CXADR: variants seen among roughly 807,000 people sequenced by gnomAD.
CXADR encodes the protein coxsackievirus and adenovirus receptor.
A neutral mutation model predicts 40.3 loss-of-function variants in CXADR; 20 were observed. That is an observed-to-expected ratio of 0.50 (90% confidence interval 0.35 to 0.72). The LOEUF (loss-of-function observed/expected upper bound fraction) is 0.72, where lower values mean the gene tolerates loss of function less well. Ranked by LOEUF, CXADR falls within the 30% of genes least tolerant of loss-of-function variation. The probability of loss-of-function intolerance (pLI) is 0.01; values close to 1 mark genes in which losing one functional copy is unlikely to be tolerated. For synonymous variants in CXADR, 150 were observed against 161.3 expected (o/e 0.93, Z 0.53); for missense variants, 332 against 449.1 (o/e 0.74, Z 2.36).
chr21:17,551,702 T>TG, intron 2 of CXADR, 47 bp from the exon 3 acceptor site: 1 of 1,531,810 alleles, frequency 6.5e-7, no homozygotes, highest in Admixed American at 2.0e-5. Context: ...ACAGTTTTTT[T>TG]TGTGTGTGTT....
chr21:17,600,672 C>A, the CXADR span, among the ~76,000 whole-genome samples: 1 of 151,420 alleles, frequency 6.6e-6, no homozygotes, highest in Admixed American at 6.6e-5. Flanking sequence ...AACAAAAAAA[C>A]AAGAACAAAA....
rs573255644 is a variant in CXADR at position 17,533,760 on chromosome 21, G to A, written c.44-13267G>A. The stretch of plus-strand genomic sequence containing the variant: ...ATTCCAGTTTATTTCCTGGGGGCCT[G>A]CTTTTTGATTTCTCATTGGGGATAG... On this transcript the variant is annotated intron_variant, in intron 1 of 6. Transcript: ENST00000284878. Among the ~76,000 whole-genome samples the A allele has an allele frequency of 4.6e-5, 7 of 152,050 alleles. 1 individual carries two copies. The South Asian group carries it at 1.5e-3, about 32-fold the overall frequency.
chr21:17,579,506 G>A (rs1029509401), intron 7 of CXADR, among the ~76,000 whole-genome samples: 3 of 152,064 alleles, frequency 2.0e-5, no homozygotes, highest in Admixed American at 1.3e-4. Flanking sequence ...GGATGGTCTC[G>A]ATCTCCTGAC....
intron 7 of CXADR, among the ~76,000 whole-genome samples, chr21:17,577,524 A>G (rs2061330063): frequency 1.3e-5 from 2 of 150,872 alleles, no homozygotes; most frequent in Non-Finnish European, 2.9e-5. Flanking sequence ...CATTCAGAGC[A>G]CAGGTATTAA....
At chr21:17,580,900 A>G (rs1370812121) in intron 7 of CXADR, among the ~76,000 whole-genome samples, 1 of 152,038 alleles carries the variant, frequency 6.6e-6, no homozygotes, top group Non-Finnish European at 1.5e-5. Context: ...ATGGGCACGC[A>G]CCAGTACACC....
intron 3 of CXADR, among the ~76,000 whole-genome samples, chr21:17,552,696 C>A (rs910076817): frequency 1.3e-5 from 2 of 152,138 alleles, no homozygotes; most frequent in African/African-American, 4.8e-5. Context: ...AGCTGTCTAG[C>A]TCTCTGCTTA....
At chr21:17,541,915 C>G (rs928866259) in intron 1 of CXADR, 4 of 242,264 alleles carry the variant, frequency 1.7e-5, no homozygotes, top group African/African-American at 9.4e-5. Flanking sequence ...ACTTTTTCCT[C>G]TGTAATGAAA....
chr21:17,577,612 CTTTTTTTT>C lies in CXADR; in HGVS notation c.1017+12022_1017+12029del, dbSNP rs532541050. Among the ~76,000 whole-genome samples, 62 of 36,578 alleles carry C rather than the reference CTTTTTTTT, an allele frequency of 1.7e-3. 1 individual carries two copies. The highest frequency in any genetic ancestry group is 0.011 in the East Asian group (10 of 924). 24.0% of individuals were successfully genotyped at this position (36,578 alleles called of 152,430 possible). ...CTCACACGTCAGACCATTCTGCAAGCTTTTTTTTTTTTTTTTTTTTTTTTTTTTAACTG... is the reference window on the plus strand; with the variant it reads ...CTCACACGTCAGACCATTCTGCAAGCTTTTTTTTTTTTTTTTTTTTAACTG... On this transcript the variant is annotated intron_variant, in intron 7 of 7. Coordinates refer to the CXADR transcript ENST00000400169.
intron 7 of CXADR, among the ~76,000 whole-genome samples, chr21:17,589,258 A>G (rs2061418354): frequency 6.6e-6 from 1 of 152,116 alleles, no homozygotes; most frequent in Non-Finnish European, 1.5e-5. Context: ...GATTACAAAC[A>G]TAAAACTGTA....
At chr21:17,541,541 G>A (rs911287747) in intron 1 of CXADR, among the ~76,000 whole-genome samples, 2 of 151,196 alleles carry the variant, frequency 1.3e-5, no homozygotes, top group African/African-American at 4.9e-5. Flanking sequence ...CCAGGCGTCA[G>A]AGCAAGACTC....
Position 17,567,718 on chromosome 21 carries a change from A to G in CXADR, c.*2026A>G. The G allele has an allele frequency of 2.3e-6, 2 of 854,704 alleles. No homozygotes were observed. The highest frequency in any genetic ancestry group is 1.4e-6 in the Non-Finnish European group (1 of 710,160). 52.9% of individuals were successfully genotyped at this position (854,704 alleles called of 1,614,324 possible). ...TATATGAATAAAGTTTATTTATAAA[A>G]TATTATAAAAAATAAGTAAATAAAC... On this transcript the variant is annotated 3_prime_UTR_variant, in exon 7 of 7. Transcript: ENST00000284878.
chr21:17,591,314 C>T (rs1220600268), intron 7 of CXADR, among the ~76,000 whole-genome samples: 1 of 151,830 alleles, frequency 6.6e-6, no homozygotes, highest in African/African-American at 2.4e-5. Context: ...TAAGTTGTTG[C>T]CATGTAGTAA....
At chr21:17,599,539 G>A in the CXADR span, among the ~76,000 whole-genome samples, 1 of 149,374 alleles carries the variant, frequency 6.7e-6, no homozygotes, top group Non-Finnish European at 1.5e-5. Flanking sequence ...TGCAATGGGT[G>A]CAATCTCGGC....
chr21:17,628,490 C>T, the CXADR span, among the ~76,000 whole-genome samples: 1 of 151,966 alleles, frequency 6.6e-6, no homozygotes, highest in African/African-American at 2.4e-5. Context: ...GGCAGAAAAA[C>T]GTCAATGTCC....
intron 1 of CXADR, among the ~76,000 whole-genome samples, chr21:17,537,101 A>G (rs1206952523): frequency 1.3e-5 from 2 of 152,208 alleles, no homozygotes; most frequent in African/African-American, 4.8e-5. Flanking sequence ...CTCTGGGGAC[A>G]AGGTGGAGCA....
chr21:17,554,815 TTGATTGAC>T (rs2123282310), intron 3 of CXADR, among the ~76,000 whole-genome samples: 1 of 150,678 alleles, frequency 6.6e-6, no homozygotes, highest in South Asian at 2.1e-4. Context: ...TGGAGCTCAT[TTGATTGAC>T]TGATAGTGGC....
At chr21:17,543,027 G>A (rs1228655514) in intron 1 of CXADR, 1 of 369,302 alleles carries the variant, frequency 2.7e-6, no homozygotes, top group Non-Finnish European at 5.4e-6. Flanking sequence ...CATTTCTAGT[G>A]CAACACAGTG....
At chr21:17,625,969 A>G in the CXADR span, among the ~76,000 whole-genome samples, 2 of 152,184 alleles carry the variant, frequency 1.3e-5, no homozygotes, top group Admixed American at 1.3e-4. Context: ...CGGGAGTCTG[A>G]AGACTTTCTC....
chr21:17,569,183 A>G lies in CXADR; in HGVS notation c.*3491A>G, dbSNP rs1478223448. 1 of 985,242 alleles carries G rather than the reference A, an allele frequency of 1.0e-6. No individual in the cohort carries two copies. The highest frequency in any genetic ancestry group is 1.7e-5 in the African/African-American group (1 of 57,212). The allele number at this position is 985,242 out of a possible 1,614,324, so 61.0% of individuals were successfully genotyped here. A position where few individuals can be genotyped will look rare whatever the true frequency, so the allele number is the denominator to read the frequency against. ...AGCATGTACATTTGATGTTATGTGA[A>G]TGTTGAGTTTTTTCTTCTAATTTTC... On this transcript the variant is annotated 3_prime_UTR_variant, in exon 7 of 7. Transcript: ENST00000284878.
Sources: allele counts gnomAD v4.1 joint callset (sites outside exome capture counted in the v4.1 genomes callset), GRCh38; gene constraint gnomAD v4.1.1; transcripts MANE v1.5; gene names NCBI Gene and HGNC (gene_info 2026-07-23, HGNC 2026-07-21).